Variants in NBPF12 observed in about 807,000 individuals in gnomAD.
NBPF12 encodes NBPF family member NBPF12.
In NBPF12, 115 loss-of-function variants were observed where a neutral mutation model predicts 146.4. The observed-to-expected ratio is 0.79, with a 90% CI of 0.68 to 0.92. NBPF12 has a LOEUF of 0.92. Ranked by LOEUF, NBPF12 falls within the 40% of genes least tolerant of loss-of-function variation. The pLI, the probability that NBPF12 is intolerant of heterozygous loss-of-function variation, is 0.00. For synonymous variants in NBPF12, 385 were observed against 508.9 expected (o/e 0.76, Z 3.28); for missense variants, 1,205 against 1,326.8 (o/e 0.91, Z 1.43).
chr1:146,954,997 T>C (rs1655516698), intron 2 of NBPF12, among the ~76,000 whole-genome samples: 2 of 52,816 alleles, frequency 3.8e-5, no homozygotes, highest in African/African-American at 6.9e-5. Context: ...TATATATATA[T>C]ATATATATAT....
chr1:146,963,479 G>C (rs1281039257), intron 6 of NBPF12, among the ~76,000 whole-genome samples, 170 bp downstream of exon 9: 2 of 152,082 alleles, frequency 1.3e-5, no homozygotes, highest in Admixed American at 1.3e-4. Flanking sequence ...GAAACCCATG[G>C]GTTTGGAGGT....
At chr1:146,970,199 C>T (rs1275932454) in intron 11 of NBPF12, among the ~76,000 whole-genome samples, 1 of 150,688 alleles carries the variant, frequency 6.6e-6, no homozygotes, top group Non-Finnish European at 1.5e-5. Context: ...CCCTGAATAA[C>T]ACAGCAGAAG....
At chr1:146,948,653 G>A (rs1168792049), upstream of NBPF12, among the ~76,000 whole-genome samples, 2 of 152,058 alleles carry the variant, frequency 1.3e-5, no homozygotes, top group Non-Finnish European at 2.9e-5. Flanking sequence ...ATTGTCCAAG[G>A]TTTCTCCCCA....
exon 34 of NBPF12, chr1:146,994,724 G>T (rs1489471459): frequency 2.2e-5 from 29 of 1,312,456 alleles, no homozygotes; most frequent in East Asian, 1.9e-4. Context: ...GAGCATGCCA[G>T]TGGCAACCTG....
At chr1:146,984,477 T>A (rs1219245897) in intron 21 of NBPF12, among the ~76,000 whole-genome samples, 2 of 150,458 alleles carry the variant, frequency 1.3e-5, no homozygotes, top group African/African-American at 2.5e-5. Context: ...AGGCCATGCT[T>A]TTCATGATCA....
At chr1:146,994,820 A>G in exon 34 of NBPF12, 1 of 763,908 alleles carries the variant, frequency 1.3e-6, no homozygotes, top group East Asian at 3.0e-5. Flanking sequence ...TCAGCCGGAC[A>G]TTTTAATTTG....
intron 2 of NBPF12, among the ~76,000 whole-genome samples, chr1:146,955,995 TC>T (rs1291188546): frequency 1.3e-5 from 2 of 151,634 alleles, no homozygotes; most frequent in African/African-American, 2.4e-5. Flanking sequence ...TTTTTTTTTT[TC>T]CTCTTAATAT....
At chr1:146,981,784 C>T (rs1363106376) in intron 19 of NBPF12, among the ~76,000 whole-genome samples, 7 of 151,120 alleles carry the variant, frequency 4.6e-5, no homozygotes, top group African/African-American at 1.2e-4. Context: ...CTTCTCTTCT[C>T]GCTTCATTTC....
upstream of NBPF12, among the ~76,000 whole-genome samples, chr1:146,944,909 T>C (rs1161821556): frequency 5.8e-3 from 654 of 113,288 alleles, 16 homozygotes; most frequent in African/African-American, 0.023. Context: ...TCTTCCTCCC[T>C]TCCTCCCTCC....
chr1:146,962,415 A>G (rs1472406156), intron 5 of NBPF12, among the ~76,000 whole-genome samples, 152 bp downstream of exon 8: 1 of 148,964 alleles, frequency 6.7e-6, no homozygotes, highest in East Asian at 2.1e-4. Context: ...TTATCAGAGA[A>G]CAAGGATAAT....
chr1:146,962,928 G>A (rs1319567371), intron 5 of NBPF12, among the ~76,000 whole-genome samples, 167 bp from the exon 9 acceptor site: 14 of 151,212 alleles, frequency 9.3e-5, no homozygotes, highest in Non-Finnish European at 1.3e-4. Context: ...AAAGCCTGTA[G>A]ACCATTTTCT....
upstream of NBPF12, among the ~76,000 whole-genome samples, chr1:146,945,296 G>GCCT (rs1243192344): frequency 2.6e-5 from 4 of 151,330 alleles, no homozygotes; most frequent in East Asian, 2.0e-4. Context: ...GGTCCTCCCA[G>GCCT]CCTCCTCCTC....
chr1:146,982,575 G>C (rs1172037949), intron 19 of NBPF12, among the ~76,000 whole-genome samples: 6 of 152,022 alleles, frequency 3.9e-5, no homozygotes, highest in East Asian at 3.9e-4. Context: ...GAACTCTCTT[G>C]ACTTGAATGC....
At chr1:146,960,130 C>T in exon 4 of NBPF12, 5 of 586,790 alleles carry the variant, frequency 8.5e-6, no homozygotes, top group Admixed American at 3.3e-5. Flanking sequence ...ACCTCTTCTG[C>T]CACAAACGTC....
chr1:146,994,678 G>T, exon 34 of NBPF12: 5 of 1,550,416 alleles, frequency 3.2e-6, no homozygotes, highest in South Asian at 1.2e-5. Context: ...CCAGACATAG[G>T]ATGGGTCAGT....
chr1:146,940,313 G>C (rs6670173), intron 1 of NBPF12, among the ~76,000 whole-genome samples: 2 of 151,804 alleles, frequency 1.3e-5, no homozygotes, highest in Admixed American at 6.6e-5. Context: ...AATTTTAAAC[G>C]TGCAGGTGAT....
chr1:146,984,810 C>T lies in NBPF12; in HGVS notation c.2667-3C>T, dbSNP rs1657648731. The T allele has an allele frequency of 5.5e-6, 8 of 1,467,476 alleles. No homozygotes were observed. Among genetic ancestry groups the T allele is most frequent in the Admixed American group, 1.7e-5 (1 of 59,796 alleles). The allele number at this position is 1,467,476 out of a possible 1,614,324, so 90.9% of individuals were successfully genotyped here. On this transcript the variant is annotated splice_polypyrimidine_tract_variant and splice_region_variant and intron_variant, in intron 21 of 33. Transcript: ENST00000617844. ...TATTCTTTACTTTTTCCCACTTTTC[C>T]AGGCTCAGCAGGGAGCTGCTGGCTG... is the stretch of plus-strand genomic sequence containing the variant.
At chr1:146,948,635 A>G (rs1655179684), upstream of NBPF12, among the ~76,000 whole-genome samples, 1 of 152,090 alleles carries the variant, frequency 6.6e-6, no homozygotes, top group African/African-American at 2.4e-5. Context: ...TGCCTAGGAA[A>G]GCCAGGTATT....
At position 146,943,524 on chromosome 1, in the gene NBPF12, A is replaced by C; in HGVS notation, c.-588A>C. On this transcript the variant is annotated 5_prime_UTR_variant, in exon 2 of 36. An upstream start codon of the reference 5' UTR is lost. Transcript: ENST00000617931. ...TTCAGTGCACCAAGAGCAGCCTCACATGGTGTGGGCCGACATGAAGAGCTG... is the reference window on the plus strand; with the variant it reads ...TTCAGTGCACCAAGAGCAGCCTCACCTGGTGTGGGCCGACATGAAGAGCTG... 2.7e-6 allele frequency: 4 copies of C among 1,457,112 alleles called. No individual in the cohort carries two copies. In the South Asian group the frequency reaches 3.7e-5, roughly 13 times the overall value. The allele number at this position is 1,457,112 out of a possible 1,614,324, so 90.3% of individuals were successfully genotyped here.
Sources: gnomAD v4.1 joint callset for allele counts (sites outside exome capture counted in the v4.1 genomes callset) on GRCh38, gnomAD v4.1.1 for gene constraint, MANE v1.5 for transcripts, NCBI Gene and HGNC (gene_info 2026-07-23, HGNC 2026-07-21) for gene names.